The following DEAF1 variants were observed in gnomAD, a reference collection of about 807,000 sequenced individuals.
DEAF1 encodes the protein DEAF1 transcription factor, also known as deformed epidermal autoregulatory factor 1 homolog.
In DEAF1, 53 loss-of-function variants were observed where a neutral mutation model predicts 58.9. The ratio of observed to expected loss-of-function variants is 0.90; its 90% CI spans 0.72 to 1.13. DEAF1 has a LOEUF of 1.13. DEAF1 is among the 50% of genes most tolerant of loss of function. DEAF1 has a pLI of 0.00. For synonymous variants in DEAF1, 385 were observed against 340.4 expected (o/e 1.13, Z -1.44); for missense variants, 685 against 791.4 (o/e 0.87, Z 1.61).
upstream of DEAF1, chr11:699,921 A>T (rs781734411): frequency 1.8e-5 from 10 of 550,198 alleles, no homozygotes; most frequent in Non-Finnish European, 3.3e-5. Flanking sequence ...TTGTTGTGGC[A>T]TGGAGGGGGG....
intron 11 of DEAF1, among the ~76,000 whole-genome samples, chr11:647,799 T>TCC (rs763043901): frequency 1.4e-4 from 22 of 152,020 alleles, no homozygotes; most frequent in Non-Finnish European, 2.1e-4. Context: ...GGTGACTCAA[T>TCC]CCAGGCAGTG....
intron 6 of DEAF1, among the ~76,000 whole-genome samples, chr11:683,075 A>G (rs1860444760): frequency 6.6e-6 from 1 of 151,994 alleles, no homozygotes; most frequent in Admixed American, 6.6e-5. Flanking sequence ...TTGGATGTTT[A>G]TTTGCTGTAC....
upstream of DEAF1, chr11:699,820 G>A (rs1861362002): frequency 3.4e-6 from 1 of 295,556 alleles, no homozygotes; most frequent in Non-Finnish European, 6.3e-6. Context: ...AAGGCAGGGT[G>A]ACATCACTGG....
chr11:667,591 CG>C (rs1859609539), intron 10 of DEAF1, among the ~76,000 whole-genome samples: 1 of 151,802 alleles, frequency 6.6e-6, no homozygotes, highest in African/African-American at 2.4e-5. Flanking sequence ...CACCTGAGGT[CG>C]GTCAGGTGTT....
rs544033424 is a variant in DEAF1 at position 656,408 on chromosome 11, T to C, written c.1504-2357A>G. 1.2e-4 allele frequency among the ~76,000 whole-genome samples: 19 copies of C among 152,336 alleles called. No individual in the cohort carries two copies. In the East Asian group the frequency reaches 3.5e-3, roughly 28 times the overall value. ...CCTGACCTCAGGTGATCCGCCTGCC[T>C]TGGCCTCCCAAAATGCTGGGATTAC... On this transcript the variant is annotated intron_variant, in intron 10 of 11. Coordinates refer to ENST00000382409, the MANE Select transcript of DEAF1 (RefSeq NM_021008.4).
Position 652,930 on chromosome 11 carries a change from A to C in DEAF1, c.1593+1032T>G, listed in dbSNP as rs545065143. Among the ~76,000 whole-genome samples, 52 of 151,338 alleles carry C rather than the reference A, an allele frequency of 3.4e-4. No individual in the cohort carries two copies. In the South Asian group the frequency reaches 3.6e-3, roughly 10 times the overall value. ...GAGACCCCGTCTCTACTAAAAATACAAAAATTAGCCAGGTATGGTGGCGCA... is the reference window on the plus strand; with the variant it reads ...GAGACCCCGTCTCTACTAAAAATACCAAAATTAGCCAGGTATGGTGGCGCA... On this transcript the variant is annotated intron_variant, in intron 11 of 11. Coordinates refer to ENST00000382409, the MANE Select transcript of DEAF1 (RefSeq NM_021008.4).
At position 674,563 on chromosome 11, in the gene DEAF1, C is replaced by G. The variant is rs1859970661; in HGVS notation, c.1476G>C (p.Lys492Asn). Residue 492 changes from lysine (K) to asparagine (N), a missense_variant, in exon 10 of 12, where the codon AAG (lysine) becomes AAC (asparagine). Around this residue, in one of 3 missense-constraint regions of DEAF1, gnomAD observed 343 missense variants for 379.8 expected, o/e 0.90. Transcript: ENST00000382409. Reference protein sequence around the residue: ...TYREAATNQAKIHADAERKEQ... With the variant: ...TYREAATNQANIHADAERKEQ... ...CCTTCCGCTCTGCGTCAGCGTGGAT[C>G]TTGGCCTGGTTTGTGGCAGCTTCTC... 2 of 1,614,114 alleles carry G rather than the reference C, an allele frequency of 1.2e-6. No homozygotes were observed. The highest frequency in any genetic ancestry group is 2.7e-5 in the African/African-American group (2 of 75,020).
chr11:651,437 A>T (rs1390747401), intron 11 of DEAF1: 6 of 327,220 alleles, frequency 1.8e-5, no homozygotes, highest in Non-Finnish European at 3.5e-5. Context: ...AAAATTAAAT[A>T]AAAAATAAAA....
chr11:650,842 C>A (rs1450056736), intron 11 of DEAF1, among the ~76,000 whole-genome samples: 1 of 151,908 alleles, frequency 6.6e-6, no homozygotes, highest in Non-Finnish European at 1.5e-5. Context: ...TAGAGGCTGC[C>A]GTGAGTCAAG....
In DEAF1 at chr11:679,780, C is replaced by A; in HGVS notation, c.1034G>T (p.Gly345Val). 1 of 1,613,896 alleles carries A rather than the reference C, an allele frequency of 6.2e-7. No individual in the cohort carries two copies. The highest frequency in any genetic ancestry group is 8.5e-7 in the Non-Finnish European group (1 of 1,180,048). ...GGACGCTCGGTCAAAGGTCAGTGCC[C>A]CCGAGGTCGTGATCTGTCCCGAGGG... ...VTPSGQITTS[G>V]ALTFDRASTV... Residue 345 changes from glycine to valine, a missense_variant, in exon 8 of 12, where the codon GGG becomes GTG. Physicochemically the swap from Gly to Val is moderately radical, Grantham distance 109. This residue lies in a region of DEAF1 where 343 missense variants were observed against 379.8 expected (regional missense o/e 0.90). Transcript: ENST00000382409.
At chr11:695,452 A>C, upstream of DEAF1, 1 of 517,678 alleles carries the variant, frequency 1.9e-6, no homozygotes, top group Non-Finnish European at 3.0e-6. Flanking sequence ...CCCGGCCGAC[A>C]GGGCTGGACG....
In DEAF1 at chr11:695,184, A is replaced by G. The variant is rs527394515; in HGVS notation, c.-137T>C. On this transcript the variant is annotated 5_prime_UTR_variant, in exon 1 of 12. Transcript: ENST00000382409. ...GAAGCCGCCGCCCGAATAGGGACCG[A>G]AAAGGCAGCCAGCCGCCGAGCAGAG... 1.4e-5 allele frequency: 11 copies of G among 779,684 alleles called. No homozygotes were observed. Among genetic ancestry groups the G allele is most frequent in the Non-Finnish European group, 1.8e-5 (10 of 562,660 alleles). The allele number at this position is 779,684 out of a possible 1,614,324, so 48.3% of individuals were successfully genotyped here.
intron 1 of DEAF1, 37 bp downstream of exon 1, chr11:694,722 G>T: frequency 7.8e-7 from 1 of 1,288,392 alleles, no homozygotes; most frequent in Non-Finnish European, 9.8e-7. Context: ...AGGCGCGCGG[G>T]AACCGGACGA....
Position 694,967 on chromosome 11 carries a change from CGCCGCCACAGCGGCCGCG to C in DEAF1, c.63_80del (p.Val25_Ala30del), listed in dbSNP as rs1461468531. On this transcript the variant is annotated inframe_deletion, in exon 1 of 12. Coordinates refer to ENST00000382409, the MANE Select transcript of DEAF1 (RefSeq NM_021008.4). ...CGCCTCCTGCCGCGGCCGCGGCCGC[CGCCGCCACAGCGGCCGCG>C]GCCGCCACCGCCGCCGCCTCAGCCA... 37 of 1,176,274 alleles carry C rather than the reference CGCCGCCACAGCGGCCGCG, an allele frequency of 3.1e-5. 4 individuals are homozygous for C. The highest frequency in any genetic ancestry group is 9.8e-5 in the African/African-American group (6 of 60,940). 72.9% of individuals were successfully genotyped at this position (1,176,274 alleles called of 1,614,324 possible). A position where few individuals can be genotyped will look rare whatever the true frequency, so the allele number is the denominator to read the frequency against.
chr11:678,326 C>T (rs1439698115), intron 9 of DEAF1: 3 of 282,182 alleles, frequency 1.1e-5, no homozygotes, highest in Non-Finnish European at 2.1e-5. Context: ...TCACCAGATA[C>T]CGAATGTCTA....
chr11:702,632 A>T (rs927994115), intron 1 of DEAF1, among the ~76,000 whole-genome samples: 1 of 152,254 alleles, frequency 6.6e-6, no homozygotes, highest in African/African-American at 2.4e-5. Flanking sequence ...AACGTGGCAG[A>T]TGCACTTGAA....
chr11:656,984 G>A (rs1589978540), intron 10 of DEAF1, among the ~76,000 whole-genome samples: 2 of 152,150 alleles, frequency 1.3e-5, no homozygotes, highest in South Asian at 2.1e-4. Context: ...ATACAGAAGT[G>A]GCTGCGGAGA....
In DEAF1 at chr11:644,327, G is replaced by A. The variant is rs1858374948; in HGVS notation, c.*223C>T. Reference sequence around the variant, plus strand: ...AAGACCGGACGCTCATGATCCCAGGGATAAAAAATCTGTCCGCGAGCGGGC... The same window carrying A: ...AAGACCGGACGCTCATGATCCCAGGAATAAAAAATCTGTCCGCGAGCGGGC... On this transcript the variant is annotated 3_prime_UTR_variant, in exon 12 of 12. Coordinates refer to ENST00000382409, the MANE Select transcript of DEAF1 (RefSeq NM_021008.4). This position sits in a 1 kb window ranked among gnomAD's most constrained non-coding sequence, Gnocchi z 4.3. 3.3e-6 allele frequency: 2 copies of A among 613,222 alleles called. No homozygotes were observed. Among genetic ancestry groups the A allele is most frequent in the Non-Finnish European group, 5.9e-6 (2 of 341,048 alleles). 38.0% of individuals were successfully genotyped at this position (613,222 alleles called of 1,614,324 possible).
In DEAF1 at chr11:644,270, T is replaced by C. The variant is rs1858371403; in HGVS notation, c.*280A>G. ...ACTTTATTGACAGACACAACACGTATGTATGTGCGTCGCAGCACAGGCCCT... is the reference window on the plus strand; with the variant it reads ...ACTTTATTGACAGACACAACACGTACGTATGTGCGTCGCAGCACAGGCCCT... On this transcript the variant is annotated 3_prime_UTR_variant, in exon 12 of 12. Coordinates refer to ENST00000382409, the MANE Select transcript of DEAF1 (RefSeq NM_021008.4). This position sits in a 1 kb window ranked among gnomAD's most constrained non-coding sequence, Gnocchi z 4.3. 2 of 540,820 alleles carry C rather than the reference T, an allele frequency of 3.7e-6. No individual in the cohort carries two copies. The highest frequency in any genetic ancestry group is 3.1e-5 in the Admixed American group (1 of 32,382). The allele number at this position is 540,820 out of a possible 1,614,324, so 33.5% of individuals were successfully genotyped here. A position where few individuals can be genotyped will look rare whatever the true frequency, so the allele number is the denominator to read the frequency against.
Sources: gnomAD v4.1 joint callset for allele counts (sites outside exome capture counted in the v4.1 genomes callset) on GRCh38, gnomAD v4.1.1 for gene constraint, gnomAD v4.1.1 regional missense constraint, Gnocchi (gnomAD v3.1) non-coding constraint, MANE v1.5 for transcripts, NCBI Gene and HGNC (gene_info 2026-07-23, HGNC 2026-07-21) for gene names.